Variants in FAM72C observed in about 807,000 individuals in gnomAD.
The protein encoded by FAM72C is RUMY family member 3.
A neutral mutation model predicts 5.2 loss-of-function variants in FAM72C; 1 was observed. The ratio of observed to expected loss-of-function variants is 0.19; its 90% CI spans 0.07 to 0.91. FAM72C has a LOEUF of 0.91. Among genes scored for constraint, FAM72C ranks in the 40% least tolerant of loss-of-function variants. The probability of loss-of-function intolerance (pLI) is 0.66; values close to 1 mark genes in which losing one functional copy is unlikely to be tolerated. For missense variants in FAM72C, 4 were observed against 66.0 expected (o/e 0.06, Z 3.25); for synonymous variants, 1 against 21.8 (o/e 0.05, Z 2.66).
At position 143,961,905 on chromosome 1, in the gene FAM72C, T is replaced by C. The variant is rs1661647245; in HGVS notation, c.355+2950A>G. ...AGAAGCCATTTCTATAACATACAAG[T>C]TCAGGTGAAGCAAAAAGTGCAGACG... On this transcript the variant is annotated intron_variant, in intron 3 of 3. Transcript: ENST00000584486. Among the ~76,000 whole-genome samples, 3 of 145,768 alleles carry C rather than the reference T, an allele frequency of 2.1e-5. 1 individual carries two copies. The highest frequency in any genetic ancestry group is 4.6e-5 in the Non-Finnish European group (3 of 65,630).
In FAM72C at chr1:143,965,520, C is replaced by T. The variant is rs1363969425; in HGVS notation, c.231-541G>A. Among the ~76,000 whole-genome samples, 2 of 100,808 alleles carry T rather than the reference C, an allele frequency of 2.0e-5. 1 individual carries two copies. The allele number at this position is 100,808 out of a possible 152,430, so 66.1% of individuals were successfully genotyped here. On this transcript the variant is annotated intron_variant, in intron 2 of 3. Transcript: ENST00000584486. ...CTGCTAGTATTATTTTATGCATTCT[C>T]CCTTCAGAAGTTAGCTTCTAGATGC...
chr1:143,960,835 T>C (rs1335503017), intron 3 of FAM72C, among the ~76,000 whole-genome samples: 2 of 136,568 alleles, frequency 1.5e-5, no homozygotes, highest in African/African-American at 5.5e-5. Context: ...TAAAATATTT[T>C]TTTTTTTTTT....
chr1:143,967,397 G>A (rs1661805676), intron 2 of FAM72C, among the ~76,000 whole-genome samples: 2 of 143,278 alleles, frequency 1.4e-5, no homozygotes, highest in African/African-American at 5.2e-5. Flanking sequence ...AGATTCGCTT[G>A]AACCTGGGAG....
At chr1:143,960,792 T>C (rs1190565596) in intron 3 of FAM72C, among the ~76,000 whole-genome samples, 1 of 145,074 alleles carries the variant, frequency 6.9e-6, no homozygotes, top group Non-Finnish European at 1.5e-5. Flanking sequence ...AGAATTTTTT[T>C]TTTTTAAAAG....
intron 2 of FAM72C, among the ~76,000 whole-genome samples, chr1:143,967,230 C>G (rs1180676647): frequency 6.9e-6 from 1 of 145,896 alleles, no homozygotes; most frequent in Non-Finnish European, 1.5e-5. Flanking sequence ...GTAATCCTAG[C>G]ACTTAGGGAG....
Sources: allele counts gnomAD v4.1 joint callset (sites outside exome capture counted in the v4.1 genomes callset), GRCh38; gene constraint gnomAD v4.1.1; transcripts MANE v1.5; gene names NCBI Gene and HGNC (gene_info 2026-07-23, HGNC 2026-07-21).